The following PDE4D variants were observed in gnomAD, a reference collection of about 807,000 sequenced individuals.
PDE4D encodes phosphodiesterase 4D, also known as 3',5'-cyclic-AMP phosphodiesterase 4D.
PDE4D carries 24 observed loss-of-function variants against 87.4 expected under a neutral mutation model. The observed-to-expected ratio is 0.27, with a 90% CI of 0.20 to 0.39. The LOEUF is 0.39. Ranked by LOEUF, PDE4D falls within the 10% of genes least tolerant of loss-of-function variation. The probability of loss-of-function intolerance (pLI) is 1.00; values close to 1 mark genes in which losing one functional copy is unlikely to be tolerated. For synonymous variants in PDE4D, 384 were observed against 383.2 expected, an observed-to-expected ratio of 1.00 and a Z score of -0.02; for missense variants, 714 against 1,041.0, an observed-to-expected ratio of 0.69 and a Z score of 4.32.
rs577191172 is a variant in PDE4D, at chr5:59,240,049, T to C, written c.456-24081A>G. Among the ~76,000 whole-genome samples, 4 of 152,286 alleles carry C rather than the reference T, an allele frequency of 2.6e-5. No individual in the cohort carries two copies. In the South Asian group the frequency reaches 8.3e-4, roughly 32 times the overall value. The stretch of plus-strand genomic sequence containing the variant: ...GTCTTAATTTTACTCATTGCATGCA[T>C]CTTGAGGCCAGTGAAGCACTAACGC... On this transcript the variant is annotated intron_variant, in intron 1 of 14. Transcript: ENST00000340635.
intron 1 of PDE4D, among the ~76,000 whole-genome samples, chr5:60,454,441 C>T (rs907942556): frequency 1.3e-5 from 2 of 152,104 alleles, no homozygotes; most frequent in Non-Finnish European, 2.9e-5. Flanking sequence ...AAATGTGGTA[C>T]ATATATACCA....
At chr5:60,324,018 T>A (rs1311803497) in intron 1 of PDE4D, among the ~76,000 whole-genome samples, 2 of 152,148 alleles carry the variant, frequency 1.3e-5, no homozygotes, top group Non-Finnish European at 2.9e-5. Flanking sequence ...TCCAATTTTC[T>A]GTTTATTTCT....
At chr5:59,848,543 C>A (rs911168099) in intron 1 of PDE4D, among the ~76,000 whole-genome samples, 5 of 151,544 alleles carry the variant, frequency 3.3e-5, no homozygotes, top group Admixed American at 6.6e-5. Context: ...CTTTCTAATG[C>A]GATTAAATGC....
At chr5:59,289,056 C>T (rs1037826957) in intron 1 of PDE4D, among the ~76,000 whole-genome samples, 2 of 152,026 alleles carry the variant, frequency 1.3e-5, no homozygotes, top group Non-Finnish European at 2.9e-5. Flanking sequence ...TATTATAACA[C>T]TGTTATTATA....
At chr5:59,123,219 C>G (rs988229445) in intron 5 of PDE4D, among the ~76,000 whole-genome samples, 1 of 152,154 alleles carries the variant, frequency 6.6e-6, no homozygotes, top group Non-Finnish European at 1.5e-5. Flanking sequence ...TTTAGCCCTG[C>G]CTCTATGCCT....
chr5:59,447,860 A>T (rs1318366754), intron 1 of PDE4D, among the ~76,000 whole-genome samples: 1 of 152,190 alleles, frequency 6.6e-6, no homozygotes, highest in African/African-American at 2.4e-5. Context: ...GAAGTTTTAA[A>T]AAATCACTGT....
chr5:59,059,417 C>G (rs1762810052), intron 5 of PDE4D, among the ~76,000 whole-genome samples: 1 of 152,192 alleles, frequency 6.6e-6, no homozygotes, highest in Non-Finnish European at 1.5e-5. Flanking sequence ...TGCTGGAACA[C>G]AGTCTTGTTA....
At chr5:60,017,968 G>A (rs1431206594) in intron 2 of PDE4D, among the ~76,000 whole-genome samples, 9 of 152,062 alleles carry the variant, frequency 5.9e-5, no homozygotes, top group South Asian at 4.2e-4. Context: ...GTTGTTTCTT[G>A]ACCTTTTAAT....
chr5:59,149,197 G>A (rs1779106543), intron 5 of PDE4D, among the ~76,000 whole-genome samples: 1 of 152,066 alleles, frequency 6.6e-6, no homozygotes, highest in African/African-American at 2.4e-5. Flanking sequence ...GGTGGTTAAG[G>A]ACCAGTGTCT....
rs1561532320 is a variant in PDE4D at position 59,127,603 on chromosome 5, C to CCACCCCCT, written c.808+52991_808+52992insAGGGGGTG. ...CTTCCCTCTTTGCTTCTTTCCCTCCCCACCCCCCCACCCCCCACCTCACCC... is the reference window on the plus strand; with the variant it reads ...CTTCCCTCTTTGCTTCTTTCCCTCCCCACCCCCTCACCCCCCCACCCCCCACCTCACCC... On this transcript the variant is annotated intron_variant, in intron 5 of 14. Transcript: ENST00000340635. Among the ~76,000 whole-genome samples the CCACCCCCT allele has an allele frequency of 3.9e-5, 5 of 128,630 alleles. No individual in the cohort carries two copies. The South Asian group carries it at 1.2e-3, about 30-fold the overall frequency. The allele number at this position is 128,630 out of a possible 152,430, so 84.4% of individuals were successfully genotyped here. A position where few individuals can be genotyped will look rare whatever the true frequency, so the allele number is the denominator to read the frequency against.
At chr5:59,157,050 G>A (rs538342735) in intron 5 of PDE4D, 16 of 319,226 alleles carry the variant, frequency 5.0e-5, no homozygotes, top group Non-Finnish European at 7.8e-5. Flanking sequence ...CCACATGTAT[G>A]TTGTTTTTTC....
At chr5:59,610,344 A>T (rs1043507672) in intron 1 of PDE4D, among the ~76,000 whole-genome samples, 1 of 152,216 alleles carries the variant, frequency 6.6e-6, no homozygotes, top group East Asian at 1.9e-4. Context: ...CAGCTTGAAG[A>T]TTAAACATCT....
intron 1 of PDE4D, among the ~76,000 whole-genome samples, chr5:59,566,969 A>G (rs1054871817): frequency 1.3e-5 from 2 of 152,228 alleles, no homozygotes; most frequent in South Asian, 4.2e-4. Flanking sequence ...TATTTTTGTT[A>G]GCACCCAAGG....
At chr5:59,044,460 T>G (rs187416946) in intron 5 of PDE4D, among the ~76,000 whole-genome samples, 138 of 152,372 alleles carry the variant, frequency 9.1e-4, no homozygotes, top group African/African-American at 3.2e-3. Flanking sequence ...GAATTGATAC[T>G]GTCTACAGTA....
intron 1 of PDE4D, among the ~76,000 whole-genome samples, chr5:59,881,885 G>A (rs945645293): frequency 1.3e-5 from 2 of 152,186 alleles, no homozygotes; most frequent in African/African-American, 2.4e-5. Context: ...AAGAAGTGAT[G>A]CTTGAATCAA....
intron 1 of PDE4D, among the ~76,000 whole-genome samples, chr5:59,804,416 C>A (rs1470046165): frequency 6.6e-6 from 1 of 152,178 alleles, no homozygotes; most frequent in African/African-American, 2.4e-5. Flanking sequence ...TTTATCCACT[C>A]GTTGGTCGAT....
chr5:59,381,336 T>C (rs1225733852), intron 1 of PDE4D, among the ~76,000 whole-genome samples: 1 of 152,182 alleles, frequency 6.6e-6, no homozygotes, highest in Non-Finnish European at 1.5e-5. Flanking sequence ...ATCAAATCGC[T>C]TTACCCATCA....
intron 1 of PDE4D, among the ~76,000 whole-genome samples, chr5:60,228,932 A>G (rs140173792): frequency 1.8e-4 from 27 of 152,212 alleles, no homozygotes; most frequent in African/African-American, 6.3e-4. Flanking sequence ...TTAAAGAATC[A>G]TGACAAATAG....
At chr5:59,550,906 C>A (rs1044405473) in intron 1 of PDE4D, among the ~76,000 whole-genome samples, 4 of 152,044 alleles carry the variant, frequency 2.6e-5, no homozygotes, top group African/African-American at 7.2e-5. Context: ...CCATGTTGGT[C>A]AGGCTGGTCT....
Sources: gnomAD v4.1 joint callset for allele counts (sites outside exome capture counted in the v4.1 genomes callset) on GRCh38, gnomAD v4.1.1 for gene constraint, MANE v1.5 for transcripts, NCBI Gene and HGNC (gene_info 2026-07-23, HGNC 2026-07-21) for gene names.